Variants in COBLL1 observed in about 807,000 individuals in gnomAD.
COBLL1 encodes cordon-bleu protein-like 1.
COBLL1 carries 50 observed loss-of-function variants against 94.8 expected under a neutral mutation model. The observed-to-expected ratio is 0.53, with a 90% CI of 0.42 to 0.67. COBLL1 has a LOEUF of 0.67. Among genes scored for constraint, COBLL1 ranks in the 30% least tolerant of loss-of-function variants. COBLL1 has a pLI of 0.00. For missense variants in COBLL1, 1,362 were observed against 1,348.7 expected (o/e 1.01, Z -0.15); for synonymous variants, 448 against 473.8 (o/e 0.95, Z 0.71).
At position 164,732,840 on chromosome 2, in the gene COBLL1, C is replaced by T. The variant is rs1040189370; in HGVS notation, c.231-2725G>A. On this transcript the variant is annotated intron_variant, in intron 3 of 13. Transcript: ENST00000652658. Reference sequence around the variant, plus strand: ...GGAGGCCGAGGCAGGCGGATCATGACGTCAGGAGATCAAGGCCATCCTGGC... The same window carrying T: ...GGAGGCCGAGGCAGGCGGATCATGATGTCAGGAGATCAAGGCCATCCTGGC... 9.2e-5 allele frequency among the ~76,000 whole-genome samples: 14 copies of T among 152,110 alleles called. No individual in the cohort carries two copies. The South Asian group carries it at 2.3e-3, about 25-fold the overall frequency.
intron 2 of COBLL1, among the ~76,000 whole-genome samples, chr2:164,796,698 G>A (rs760769178): frequency 1.1e-4 from 12 of 105,888 alleles, no homozygotes; most frequent in African/African-American, 4.1e-4. Flanking sequence ...TGAAGTAGCT[G>A]GCCTTCCAAA....
At chr2:164,821,792 C>T (rs1251993206) in intron 2 of COBLL1, among the ~76,000 whole-genome samples, 1 of 152,112 alleles carries the variant, frequency 6.6e-6, no homozygotes, top group Non-Finnish European at 1.5e-5. Context: ...ACCTGCTTTC[C>T]GAGAATCATA....
chr2:164,731,109 T>C lies in COBLL1; in HGVS notation c.231-994A>G, dbSNP rs76333311. Reference sequence around the variant, plus strand: ...TAGAAAATAGTCATGCCCGTTTGTTTATATAACGTCTCAGGCTGCTTTTGT... The same window carrying C: ...TAGAAAATAGTCATGCCCGTTTGTTCATATAACGTCTCAGGCTGCTTTTGT... On this transcript the variant is annotated intron_variant, in intron 3 of 13. Transcript: ENST00000652658. 4.6e-5 allele frequency among the ~76,000 whole-genome samples: 7 copies of C among 152,324 alleles called. No homozygotes were observed. In the East Asian group the frequency reaches 1.3e-3, roughly 29 times the overall value.
chr2:164,841,914 G>C, upstream of COBLL1: 1 of 1,453,914 alleles, frequency 6.9e-7, no homozygotes, highest in Non-Finnish European at 9.3e-7. This position sits in a 1 kb window ranked among gnomAD's most constrained non-coding sequence, Gnocchi z 5.5. Flanking sequence ...GCGGGCGCTG[G>C]CTGGGCGCTG....
At chr2:164,740,090 A>C (rs1046900509) in intron 3 of COBLL1, among the ~76,000 whole-genome samples, 1 of 152,220 alleles carries the variant, frequency 6.6e-6, no homozygotes, top group Non-Finnish European at 1.5e-5. Flanking sequence ...CATAGCATCA[A>C]TGAGTCATGC....
At chr2:164,731,612 A>C (rs1351954950) in intron 3 of COBLL1, among the ~76,000 whole-genome samples, 1 of 152,202 alleles carries the variant, frequency 6.6e-6, no homozygotes, top group African/African-American at 2.4e-5. Context: ...CAGTGTGTAC[A>C]TCGTATTTTT....
intron 2 of COBLL1, among the ~76,000 whole-genome samples, chr2:164,780,287 ATG>A (rs2105273206): frequency 6.6e-6 from 1 of 152,300 alleles, no homozygotes; most frequent in African/African-American, 2.4e-5. Flanking sequence ...CAACATAGAA[ATG>A]GCTGACACGG....
intron 2 of COBLL1, among the ~76,000 whole-genome samples, chr2:164,764,550 T>C (rs1367988141): frequency 6.6e-6 from 1 of 152,144 alleles, no homozygotes; most frequent in Non-Finnish European, 1.5e-5. Context: ...AGTTATGGTC[T>C]GAAAATATAT....
intron 2 of COBLL1, among the ~76,000 whole-genome samples, chr2:164,806,985 G>T (rs562253853): frequency 6.6e-6 from 1 of 152,060 alleles, no homozygotes; most frequent in South Asian, 2.1e-4. Flanking sequence ...GGATTATAGC[G>T]TGAGCCACCA....
At chr2:164,839,747 A>C (rs1240724198) in intron 2 of COBLL1, among the ~76,000 whole-genome samples, 1 of 152,166 alleles carries the variant, frequency 6.6e-6, no homozygotes, top group Non-Finnish European at 1.5e-5. Flanking sequence ...TTGCAGCTCC[A>C]CTTAGGAACC....
At chr2:164,805,965 C>T (rs190523199) in intron 2 of COBLL1, among the ~76,000 whole-genome samples, 79 of 152,190 alleles carry the variant, frequency 5.2e-4, no homozygotes, top group Middle Eastern at 3.4e-3. Context: ...GTTCCTGTTG[C>T]TCTACACTCT....
chr2:164,682,924 C>T lies in COBLL1; in HGVS notation c.*3022G>A, dbSNP rs1683103537. ...ATCTGTATGTGTAAAAAGAAAAGCTCTTCCAGAACACTGCTGGTATAAAAG... is the reference window on the plus strand; with the variant it reads ...ATCTGTATGTGTAAAAAGAAAAGCTTTTCCAGAACACTGCTGGTATAAAAG... On this transcript the variant is annotated 3_prime_UTR_variant, in exon 14 of 14. Coordinates refer to ENST00000652658, the MANE Select transcript of COBLL1 (RefSeq NM_001365672.2). 4.0e-5 allele frequency: 6 copies of T among 151,762 alleles called. No homozygotes were observed. The South Asian group carries it at 1.2e-3, about 32-fold the overall frequency. The allele number at this position is 151,762 out of a possible 1,614,324, so 9.4% of individuals were successfully genotyped here. A position where few individuals can be genotyped will look rare whatever the true frequency, so the allele number is the denominator to read the frequency against.
intron 2 of COBLL1, among the ~76,000 whole-genome samples, chr2:164,815,570 C>T (rs1684689489): frequency 6.6e-6 from 1 of 152,044 alleles, no homozygotes; most frequent in South Asian, 2.1e-4. Flanking sequence ...TAGTTTCCTC[C>T]TGTATAAAAA....
chr2:164,837,691 A>AAATAT (rs58144008), intron 2 of COBLL1, among the ~76,000 whole-genome samples: 27,315 of 151,906 alleles, frequency 0.18, 3,874 homozygotes, highest in African/African-American at 0.4. Flanking sequence ...TAAAATATGT[A>AAATAT]ATTATATATG....
At chr2:164,732,745 C>T (rs1395376707) in intron 3 of COBLL1, among the ~76,000 whole-genome samples, 1 of 152,082 alleles carries the variant, frequency 6.6e-6, no homozygotes, top group Non-Finnish European at 1.5e-5. Context: ...TGAATCTTTG[C>T]CAGAAATACA....
intron 11 of COBLL1, among the ~76,000 whole-genome samples, chr2:164,698,949 ATAT>A (rs1324073740): frequency 6.6e-6 from 1 of 152,018 alleles, no homozygotes; most frequent in African/African-American, 2.4e-5. Flanking sequence ...AAATAAGGTT[ATAT>A]TATTAGATGA....
chr2:164,830,981 A>G (rs565262058), intron 2 of COBLL1, among the ~76,000 whole-genome samples: 1 of 152,352 alleles, frequency 6.6e-6, no homozygotes, highest in East Asian at 1.9e-4. Flanking sequence ...TCAGAGAAAG[A>G]GGAAACTGAA....
chr2:164,763,038 T>C (rs970763670), intron 2 of COBLL1, among the ~76,000 whole-genome samples: 10 of 152,160 alleles, frequency 6.6e-5, no homozygotes, highest in South Asian at 2.1e-4. Flanking sequence ...TGCTGGAACA[T>C]GAACATGCTC....
chr2:164,698,013 A>G (rs1332283417), intron 11 of COBLL1: 3 of 152,074 alleles, frequency 2.0e-5, no homozygotes, highest in Non-Finnish European at 4.4e-5. Flanking sequence ...AGAATAATAG[A>G]CATTATTTAC....
Sources: gnomAD v4.1 joint callset for allele counts (sites outside exome capture counted in the v4.1 genomes callset) on GRCh38, gnomAD v4.1.1 for gene constraint, Gnocchi (gnomAD v3.1) non-coding constraint, MANE v1.5 for transcripts, NCBI Gene and HGNC (gene_info 2026-07-23, HGNC 2026-07-21) for gene names.